Variants in NRSN1 observed in about 807,000 individuals in gnomAD.
The protein encoded by NRSN1 is neurensin-1.
NRSN1 carries 14 observed loss-of-function variants against 17.3 expected under a neutral mutation model. The observed-to-expected ratio is 0.81, with a 90% CI of 0.54 to 1.27. NRSN1 has a LOEUF of 1.27. NRSN1 is among the 50% of genes most tolerant of loss of function. The pLI, the probability that NRSN1 is intolerant of heterozygous loss-of-function variation, is 0.00. For synonymous variants in NRSN1, 79 were observed against 94.2 expected (o/e 0.84, Z 0.93); for missense variants, 209 against 235.9 (o/e 0.89, Z 0.75).
intron 3 of NRSN1, chr6:24,140,774 A>G (rs1399404569): frequency 9.1e-7 from 1 of 1,097,170 alleles, no homozygotes; most frequent in Non-Finnish European, 1.2e-6. Context: ...CTATTGGAGT[A>G]AACTGCATTT....
chr6:24,134,820 G>C (rs892216081), intron 3 of NRSN1, among the ~76,000 whole-genome samples: 1 of 152,058 alleles, frequency 6.6e-6, no homozygotes. Flanking sequence ...CCATCCATAG[G>C]CAAAACATTA....
chr6:24,136,213 A>G (rs754961688), intron 3 of NRSN1, among the ~76,000 whole-genome samples: 24 of 152,358 alleles, frequency 1.6e-4, no homozygotes, highest in Non-Finnish European at 2.5e-4. Context: ...CTGTCTTGGT[A>G]TGTGCTTAAT....
In NRSN1 at chr6:24,146,431, G is replaced by A; in HGVS notation, c.*485G>A. 2.7e-6 allele frequency: 1 copy of A among 375,058 alleles called. No homozygotes were observed. The allele number at this position is 375,058 out of a possible 1,614,324, so 23.2% of individuals were successfully genotyped here. On this transcript the variant is annotated 3_prime_UTR_variant, in exon 4 of 4. Coordinates refer to ENST00000378491, the MANE Select transcript of NRSN1 (RefSeq NM_080723.5). ...AATTCTCTGATTTTGAGCCGAACAT[G>A]AGTTTTTAGACTGTATCTTGACATG...
chr6:24,142,191 C>CTTTTTTTTTTTTTTTTTTTTTTTT (rs751168423), intron 3 of NRSN1, among the ~76,000 whole-genome samples: 4 of 44,446 alleles, frequency 9.0e-5, no homozygotes, highest in African/African-American at 2.2e-4. Context: ...TACAGAACAG[C>CTTTTTTTTTTTTTTTTTTTTTTTT]TTTTTTTTTT....
At chr6:24,129,588 G>A (rs938269807) in intron 2 of NRSN1, 1 of 152,184 alleles carries the variant, frequency 6.6e-6, no homozygotes, top group Non-Finnish European at 1.5e-5. Context: ...GGGATAGAAA[G>A]TAATGGAACG....
chr6:24,144,480 G>T (rs547296963), intron 3 of NRSN1, among the ~76,000 whole-genome samples: 1 of 152,246 alleles, frequency 6.6e-6, no homozygotes, highest in South Asian at 2.1e-4. Flanking sequence ...AATATTATAG[G>T]ATGTGGGCTC....
chr6:24,134,222 G>A, intron 2 of NRSN1, 97 bp from the exon 3 acceptor site: 1 of 921,702 alleles, frequency 1.1e-6, no homozygotes, highest in Non-Finnish European at 1.7e-6. Flanking sequence ...TGTTCAACTA[G>A]GCATACATTA....
At chr6:24,142,213 T>TTTTC (rs957826257) in intron 3 of NRSN1, among the ~76,000 whole-genome samples, 4 of 132,540 alleles carry the variant, frequency 3.0e-5, no homozygotes, top group East Asian at 2.4e-4. Context: ...TTTTTTTTTT[T>TTTTC]TCAGAAGACA....
At chr6:24,141,358 C>A in intron 3 of NRSN1, 1 of 776,530 alleles carries the variant, frequency 1.3e-6, no homozygotes, top group Non-Finnish European at 1.7e-6. Context: ...CTGATGAGTC[C>A]CAACTGCTCT....
chr6:24,126,612 G>T (rs1759952279), intron 1 of NRSN1, among the ~76,000 whole-genome samples: 1 of 152,130 alleles, frequency 6.6e-6, no homozygotes, highest in Non-Finnish European at 1.5e-5. Context: ...GTAAGAATTT[G>T]GGGGGTGGGG....
At position 24,146,533 on chromosome 6, in the gene NRSN1, T is replaced by C; in HGVS notation, c.*587T>C. The C allele has an allele frequency of 2.9e-6, 1 of 340,950 alleles. No homozygotes were observed. The highest frequency in any genetic ancestry group is 2.3e-5 in the South Asian group (1 of 42,962). 21.1% of individuals were successfully genotyped at this position (340,950 alleles called of 1,614,324 possible). A position where few individuals can be genotyped will look rare whatever the true frequency, so the allele number is the denominator to read the frequency against. On this transcript the variant is annotated 3_prime_UTR_variant, in exon 4 of 4. Transcript: ENST00000378491. ...TTCTCCATTTTTTTTCCCTTTGAGATGAAGTGCTGTTCTTTTGCCTAGGTT... is the reference window on the plus strand; with the variant it reads ...TTCTCCATTTTTTTTCCCTTTGAGACGAAGTGCTGTTCTTTTGCCTAGGTT...
chr6:24,146,112 T>G lies in NRSN1; in HGVS notation c.*166T>G. 1.3e-6 allele frequency: 1 copy of G among 769,950 alleles called. No individual in the cohort carries two copies. Among genetic ancestry groups the G allele is most frequent in the Admixed American group, 2.0e-5 (1 of 50,598 alleles). 47.7% of individuals were successfully genotyped at this position (769,950 alleles called of 1,614,324 possible). On this transcript the variant is annotated 3_prime_UTR_variant, in exon 4 of 4. Transcript: ENST00000378491. ...ACTTGCTCAGTTCAGGCAGCTCTGCTGGAGGGCGGTGCCATGCCTAAGCCT... is the reference window on the plus strand; with the variant it reads ...ACTTGCTCAGTTCAGGCAGCTCTGCGGGAGGGCGGTGCCATGCCTAAGCCT...
intron 2 of NRSN1, among the ~76,000 whole-genome samples, chr6:24,133,099 G>T (rs1205550498): frequency 6.6e-6 from 1 of 151,678 alleles, no homozygotes; most frequent in East Asian, 1.9e-4. Flanking sequence ...TCTCTCTAAG[G>T]GTATCAATTA....
chr6:24,134,144 G>T (rs546729717), intron 2 of NRSN1, among the ~76,000 whole-genome samples, 175 bp from the exon 3 acceptor site: 2 of 152,098 alleles, frequency 1.3e-5, no homozygotes, highest in African/African-American at 2.4e-5. Flanking sequence ...GATTACAGGC[G>T]TGAGCCACTG....
chr6:24,131,568 C>T (rs921164977), intron 2 of NRSN1, among the ~76,000 whole-genome samples: 2 of 152,130 alleles, frequency 1.3e-5, no homozygotes, highest in African/African-American at 4.8e-5. Context: ...TTCATCTGTT[C>T]CCTGACTCAT....
intron 3 of NRSN1, chr6:24,141,200 G>T (rs1272594666): frequency 2.4e-6 from 3 of 1,267,758 alleles, no homozygotes; most frequent in Non-Finnish European, 3.0e-6. Flanking sequence ...GCAATTTTTT[G>T]ACTCTTTCCA....
chr6:24,140,344 G>C (rs1234960009), intron 3 of NRSN1, among the ~76,000 whole-genome samples: 1 of 152,156 alleles, frequency 6.6e-6, no homozygotes, highest in Non-Finnish European at 1.5e-5. Context: ...AGGTGGAAGA[G>C]CTGATGTGAT....
At chr6:24,133,533 G>A (rs1760069145) in intron 2 of NRSN1, among the ~76,000 whole-genome samples, 2 of 152,096 alleles carry the variant, frequency 1.3e-5, no homozygotes, top group African/African-American at 2.4e-5. Context: ...AAATCTGAGA[G>A]GACAGTCTAA....
Position 24,134,392 on chromosome 6 carries a change from A to G in NRSN1, c.65A>G (p.Gln22Arg), listed in dbSNP as rs1367938961. 1 of 1,614,136 alleles carries G rather than the reference A, an allele frequency of 6.2e-7. No homozygotes were observed. Among genetic ancestry groups the G allele is most frequent in the South Asian group, 1.1e-5 (1 of 91,076 alleles). The change falls in exon 3 of 4, where the codon CAG (glutamine) becomes CGG (arginine). Residue 22 changes from glutamine to arginine, a missense_variant. Gln to Arg is a conservative substitution (Grantham distance 43). Transcript: ENST00000378491. Reference sequence around the variant, plus strand: ...CAGGCTGCAGCTGAGGGTGGTTACCAGCGCTATGGAGTCCGGTCCTACCTG... The same window carrying G: ...CAGGCTGCAGCTGAGGGTGGTTACCGGCGCTATGGAGTCCGGTCCTACCTG... ...QAQAAAEGGY[Q>R]RYGVRSYLHQ... is the part of the protein sequence containing the mutation.
Sources: allele counts gnomAD v4.1 joint callset (sites outside exome capture counted in the v4.1 genomes callset), GRCh38; gene constraint gnomAD v4.1.1; transcripts MANE v1.5; gene names NCBI Gene and HGNC (gene_info 2026-07-23, HGNC 2026-07-21).